Variants in GPR21 observed in about 807,000 individuals in gnomAD.
GPR21 encodes the protein G protein-coupled receptor 21.
Under a neutral mutation model 21.5 loss-of-function variants are expected in GPR21, and 9 were observed. The observed-to-expected ratio is 0.42, with a 90% CI of 0.25 to 0.73. The LOEUF is 0.73. GPR21 is among the 30% of genes least tolerant of loss of function. GPR21 has a pLI of 0.27. For missense variants in GPR21, 416 were observed against 428.9 expected (o/e 0.97, Z 0.27); for synonymous variants, 169 against 159.3 (o/e 1.06, Z -0.46).
In GPR21 at chr9:123,035,505, A is replaced by C. The variant is rs2032586739; in HGVS notation, c.939A>C (p.Arg313Ser). ...GTCTCTCCAACAGTGTATTCCAAAG[A>C]GGACTAAAGCGCCTCTCAGGGGCTA... ...IYSLSNSVFQ[R>S]GLKRLSGAMC... is the part of the protein sequence containing the mutation. The change falls in exon 2 of 2, where the codon AGA (arginine) becomes AGC (serine). Residue 313 changes from arginine to serine, a missense_variant. Coordinates refer to ENST00000616002, the MANE Select transcript of GPR21 (RefSeq NM_005294.3). 1 of 1,614,044 alleles carries C rather than the reference A, an allele frequency of 6.2e-7. No homozygotes were observed. The highest frequency in any genetic ancestry group is 8.5e-7 in the Non-Finnish European group (1 of 1,179,910).
the GPR21 span, among the ~76,000 whole-genome samples, chr9:123,048,566 AAG>A: frequency 1.3e-5 from 2 of 152,248 alleles, no homozygotes; most frequent in African/African-American, 2.4e-5. Context: ...AAGCTGTACT[AAG>A]AGAGCATTTG....
At chr9:123,043,866 T>TTTGACC in the GPR21 span, among the ~76,000 whole-genome samples, 1 of 152,220 alleles carries the variant, frequency 6.6e-6, no homozygotes, top group Non-Finnish European at 1.5e-5. Flanking sequence ...CTTTGTACTG[T>TTTGACC]TTGACCTTTT....
chr9:123,035,323 G>A lies in GPR21; in HGVS notation c.757G>A (p.Val253Ile). The change falls in exon 2 of 2, where the codon GTC becomes ATC. Residue 253 changes from valine (V) to isoleucine (I), a missense_variant. By Grantham distance (29) the Val-to-Ile change is conservative. Coordinates refer to ENST00000616002, the MANE Select transcript of GPR21 (RefSeq NM_005294.3). ...QACPDKRYAM[V>I]LFRITSVFYI... ...CTGTCCTGATAAGCGCTATGCCATGGTCCTGTTTCGAATCACTAGTGTATT... is the reference window on the plus strand; with the variant it reads ...CTGTCCTGATAAGCGCTATGCCATGATCCTGTTTCGAATCACTAGTGTATT... 1 of 1,614,132 alleles carries A rather than the reference G, an allele frequency of 6.2e-7. No homozygotes were observed. Among genetic ancestry groups the A allele is most frequent in the Non-Finnish European group, 8.5e-7 (1 of 1,180,014 alleles).
rs139950246 is a variant in GPR21 at position 123,035,522 on chromosome 9, C to T, written c.956C>T (p.Ser319Leu). ...SVFQRGLKRL[S>L]GAMCTSCASQ... ...TTCCAAAGAGGACTAAAGCGCCTCTCAGGGGCTATGTGTACTTCTTGTGCA... is the reference window on the plus strand; with the variant it reads ...TTCCAAAGAGGACTAAAGCGCCTCTTAGGGGCTATGTGTACTTCTTGTGCA... Residue 319 changes from serine to leucine, a missense_variant, in exon 2 of 2, where the codon TCA becomes TTA. Physicochemically the swap from Ser to Leu is moderately radical, Grantham distance 145 (BLOSUM62 -2). Coordinates refer to ENST00000616002, the MANE Select transcript of GPR21 (RefSeq NM_005294.3). The T allele has an allele frequency of 8.2e-5, 133 of 1,613,778 alleles. No individual in the cohort carries two copies. The highest frequency in any genetic ancestry group is 1.1e-4 in the Non-Finnish European group (131 of 1,179,798).
the GPR21 span, among the ~76,000 whole-genome samples, chr9:123,041,303 A>G: frequency 6.6e-6 from 1 of 152,146 alleles, no homozygotes; most frequent in Non-Finnish European, 1.5e-5. Context: ...TCCAAAGCCT[A>G]TGTTCTTGCC....
At chr9:123,043,070 A>G in the GPR21 span, among the ~76,000 whole-genome samples, 2 of 152,146 alleles carry the variant, frequency 1.3e-5, no homozygotes, top group Non-Finnish European at 2.9e-5. Flanking sequence ...TTATGCCCAA[A>G]CTGTCATTCA....
At chr9:123,047,797 TGCAGTGCA>T in the GPR21 span, among the ~76,000 whole-genome samples, 2 of 151,996 alleles carry the variant, frequency 1.3e-5, no homozygotes, top group African/African-American at 4.8e-5. Flanking sequence ...GAATTCTTAA[TGCAGTGCA>T]GCAGTTCACT....
At chr9:123,048,396 T>A in the GPR21 span, among the ~76,000 whole-genome samples, 1 of 152,252 alleles carries the variant, frequency 6.6e-6, no homozygotes, top group Non-Finnish European at 1.5e-5. Context: ...TTGATTCGAT[T>A]ATTTAAAAAT....
At chr9:123,047,804 CA>C in the GPR21 span, among the ~76,000 whole-genome samples, 898 of 151,844 alleles carry the variant, frequency 5.9e-3, 4 homozygotes, top group South Asian at 8.7e-3. Flanking sequence ...TAATGCAGTG[CA>C]GCAGTTCACT....
rs1047006115 is a variant in GPR21, at chr9:123,034,787, C to T, written c.221C>T (p.Ala74Val). 1.2e-6 allele frequency: 2 copies of T among 1,613,712 alleles called. No homozygotes were observed. ...TATTTTATCCAGACTATGGCATATGCTGACCTTTTTGTTGGGGTGAGCTGC... is the reference window on the plus strand; with the variant it reads ...TATTTTATCCAGACTATGGCATATGTTGACCTTTTTGTTGGGGTGAGCTGC... ...TSYFIQTMAY[A>V]DLFVGVSCVV... The change falls in exon 2 of 2, where the codon GCT becomes GTT. Residue 74 changes from alanine (A) to valine (V), a missense_variant. Transcript: ENST00000616002.
At chr9:123,047,919 G>GTTTTTT in the GPR21 span, among the ~76,000 whole-genome samples, 15 of 62,278 alleles carry the variant, frequency 2.4e-4, 2 homozygotes, top group African/African-American at 4.1e-4. Flanking sequence ...CAGCTGCTGG[G>GTTTTTT]TTTTTTTTTT....
At chr9:123,047,661 A>T in the GPR21 span, among the ~76,000 whole-genome samples, 1 of 152,094 alleles carries the variant, frequency 6.6e-6, no homozygotes, top group Non-Finnish European at 1.5e-5. Context: ...TTTTTCTTAT[A>T]TGTTGAGCTC....
downstream of GPR21, among the ~76,000 whole-genome samples, chr9:123,039,131 A>T (rs1455324635): frequency 1.3e-5 from 2 of 152,212 alleles, no homozygotes; most frequent in Non-Finnish European, 2.9e-5. Context: ...TAAGGAAGCC[A>T]TACATCATGA....
the GPR21 span, among the ~76,000 whole-genome samples, chr9:123,048,703 A>G: frequency 1.3e-5 from 2 of 152,208 alleles, no homozygotes; most frequent in Non-Finnish European, 2.9e-5. Flanking sequence ...TCACCCATAA[A>G]TTACCTTCCC....
chr9:123,042,514 G>C, the GPR21 span, among the ~76,000 whole-genome samples: 1 of 152,182 alleles, frequency 6.6e-6, no homozygotes, highest in African/African-American at 2.4e-5. Context: ...CATTAAAGCA[G>C]GGGAGAACAG....
At chr9:123,041,785 G>C in the GPR21 span, among the ~76,000 whole-genome samples, 28 of 152,208 alleles carry the variant, frequency 1.8e-4, no homozygotes, top group Non-Finnish European at 3.7e-4. Flanking sequence ...ATTGACCACA[G>C]TAACTACTTG....
the GPR21 span, among the ~76,000 whole-genome samples, chr9:123,043,642 G>A: frequency 3.3e-5 from 5 of 151,824 alleles, no homozygotes; most frequent in South Asian, 1.0e-3. Context: ...TGGGGGGTGA[G>A]GGGAAGGAGG....
downstream of GPR21, among the ~76,000 whole-genome samples, chr9:123,038,023 T>C (rs2032756478): frequency 6.6e-6 from 1 of 152,218 alleles, no homozygotes; most frequent in Non-Finnish European, 1.5e-5. Flanking sequence ...GTTGAAATTA[T>C]TTCATAGTAA....
At chr9:123,036,004 T>C (rs751997216), downstream of GPR21, among the ~76,000 whole-genome samples, 13 of 152,238 alleles carry the variant, frequency 8.5e-5, no homozygotes, top group Non-Finnish European at 1.6e-4. Context: ...CTTGTCACTT[T>C]CTGGGCTCTT....
Sources: gnomAD v4.1 joint callset for allele counts (sites outside exome capture counted in the v4.1 genomes callset) on GRCh38, gnomAD v4.1.1 for gene constraint, MANE v1.5 for transcripts, NCBI Gene and HGNC (gene_info 2026-07-23, HGNC 2026-07-21) for gene names.